Variants in NUP188 observed in about 807,000 individuals in gnomAD.
NUP188 encodes nucleoporin NUP188.
A neutral mutation model predicts 223.0 loss-of-function variants in NUP188; 97 were observed. The ratio of observed to expected loss-of-function variants is 0.43; its 90% CI spans 0.37 to 0.51. The LOEUF is 0.51. NUP188 is among the 20% of genes least tolerant of loss of function. NUP188 has a pLI of 0.00. For synonymous variants in NUP188, 869 were observed against 828.0 expected (o/e 1.05, Z -0.85); for missense variants, 1,947 against 2,175.6 (o/e 0.89, Z 2.09).
chr9:128,975,573 G>A (rs1404145439), intron 12 of NUP188, among the ~76,000 whole-genome samples: 1 of 148,026 alleles, frequency 6.8e-6, no homozygotes, highest in East Asian at 2.0e-4. Context: ...AGGCTGGAGA[G>A]TAAGTAGCGT....
rs368986642 is a variant in NUP188, at chr9:129,006,441, C to T, written c.5074-61C>T. The T allele has an allele frequency of 2.3e-5, 37 of 1,612,350 alleles. No individual in the cohort carries two copies. In the South Asian group the frequency reaches 3.0e-4, roughly 13 times the overall value. ...CCTGTGGGGTCCTGCCTGGCAACCC[C>T]CAAGGGTCAGAACAGTAGCCAGATG... On this transcript the variant is annotated intron_variant, in intron 43 of 43. Coordinates refer to ENST00000372577, the MANE Select transcript of NUP188 (RefSeq NM_015354.3).
chr9:128,977,484 C>T (rs1350881699), intron 12 of NUP188, among the ~76,000 whole-genome samples: 1 of 152,106 alleles, frequency 6.6e-6, no homozygotes, highest in Non-Finnish European at 1.5e-5. Flanking sequence ...ATGCTAAGCT[C>T]TGTGCTAAGC....
At position 128,949,243 on chromosome 9, in the gene NUP188, G is replaced by A. The variant is rs745598716; in HGVS notation, c.87G>A (p.Leu29=). The A allele has an allele frequency of 4.3e-6, 7 of 1,609,844 alleles. No homozygotes were observed. Among genetic ancestry groups the A allele is most frequent in the Non-Finnish European group, 5.1e-6 (6 of 1,176,362 alleles). Residue 29 remains leucine (L), a splice_region_variant and synonymous_variant, in exon 2 of 44, where the codon CTG becomes CTA. Transcript: ENST00000372577. ...TTGGAAGGTCAGCTCTGAGAGAGCT[G>A]GTAAGTGGTGGTGTTCTTGAGTGGG... ...ILLGRSALRE[L]SQIEAELNKH...
At chr9:129,000,610 G>A (rs963010421) in intron 34 of NUP188, among the ~76,000 whole-genome samples, 2 of 151,946 alleles carry the variant, frequency 1.3e-5, no homozygotes, top group African/African-American at 4.8e-5. Flanking sequence ...GAGCCACCAC[G>A]CCTGGCCACA....
intron 1 of NUP188, 102 bp from the exon 2 acceptor site, chr9:128,949,087 G>T: frequency 1.3e-6 from 1 of 752,450 alleles, no homozygotes; most frequent in South Asian, 1.6e-5. Flanking sequence ...TTTGTATATT[G>T]AGATTTTTTG....
intron 30 of NUP188, among the ~76,000 whole-genome samples, 173 bp downstream of exon 30, chr9:128,995,687 T>G (rs1398916899): frequency 6.6e-6 from 1 of 152,182 alleles, no homozygotes; most frequent in East Asian, 1.9e-4. Flanking sequence ...TTTGAGGGTG[T>G]TGGGTCCAGG....
rs1444910743 is a variant in NUP188 at position 128,968,608 on chromosome 9, A to G, written c.688A>G (p.Ser230Gly). 1 of 1,614,060 alleles carries G rather than the reference A, an allele frequency of 6.2e-7. No individual in the cohort carries two copies. Among genetic ancestry groups the G allele is most frequent in the Non-Finnish European group, 8.5e-7 (1 of 1,179,900 alleles). Residue 230 changes from serine to glycine, a missense_variant, in exon 9 of 44, where the codon AGT (serine) becomes GGT (glycine). Around this residue, in one of 3 missense-constraint regions of NUP188, gnomAD observed 817 missense variants for 865.8 expected, o/e 0.94. Transcript: ENST00000372577. ...LYYAYFEMAP[S>G]DLLVLTKMFK... The stretch of plus-strand genomic sequence containing the variant: ...TTATGCATACTTTGAGATGGCACCC[A>G]GTGACTTACTTGTATTAACCAAGAT...
chr9:128,958,763 C>A, intron 6 of NUP188, 39 bp from the exon 7 acceptor site: 2 of 1,209,416 alleles, frequency 1.7e-6, no homozygotes, highest in South Asian at 1.5e-5. Context: ...TTCCTATGTG[C>A]AAAGGTGAGT....
chr9:128,973,896 GTTTA>G (rs945350751), intron 12 of NUP188, among the ~76,000 whole-genome samples: 7 of 152,018 alleles, frequency 4.6e-5, no homozygotes, highest in East Asian at 1.9e-4. Context: ...TAAAATTTCT[GTTTA>G]TTTATTTATT....
chr9:128,999,872 GGA>G (rs751957884), intron 34 of NUP188, 67 bp downstream of exon 34: 3 of 1,465,310 alleles, frequency 2.0e-6, no homozygotes, highest in Non-Finnish European at 2.8e-6. Flanking sequence ...CTGACTCTGG[GGA>G]TAAGTAGTGA....
chr9:128,956,208 TGTGC>T (rs1315440477), intron 3 of NUP188, 138 bp from the exon 4 acceptor site: 5 of 470,628 alleles, frequency 1.1e-5, no homozygotes, highest in African/African-American at 2.1e-5. Flanking sequence ...TGTGTGTGTG[TGTGC>T]GTGTGTGTGT....
intron 11 of NUP188, among the ~76,000 whole-genome samples, chr9:128,971,675 C>T (rs1177295162): frequency 1.3e-5 from 2 of 152,214 alleles, no homozygotes; most frequent in Non-Finnish European, 2.9e-5. Flanking sequence ...GCCTCGGCCT[C>T]CCAAAGTGCT....
chr9:128,983,494 C>G lies in NUP188; in HGVS notation c.1905C>G (p.His635Gln). Residue 635 changes from histidine (H) to glutamine (Q), a missense_variant, in exon 19 of 44, where the codon CAC (histidine) becomes CAG (glutamine). Physicochemically the swap from His to Gln is conservative, Grantham distance 24. Coordinates refer to ENST00000372577, the MANE Select transcript of NUP188 (RefSeq NM_015354.3). Reference protein sequence around the residue: ...NPAKVWTDLRHTGFLPFVAHP... With the variant: ...NPAKVWTDLRQTGFLPFVAHP... ...CTCAGGTCTGGACTGATCTTCGTCA[C>G]ACAGGTTTTTTACCATTTGTGGCCC... 1 of 1,614,150 alleles carries G rather than the reference C, an allele frequency of 6.2e-7. No homozygotes were observed. The highest frequency in any genetic ancestry group is 8.5e-7 in the Non-Finnish European group (1 of 1,180,022).
Position 128,990,244 on chromosome 9 carries a change from G to GCA in NUP188, c.2640+26_2640+27dup, listed in dbSNP as rs201721327. Reference sequence around the variant, plus strand: ...TGGCCACGGTAGGATCGTACTTCATGCACACACACTGTTTATATGAGGGTG... The same window carrying GCA: ...TGGCCACGGTAGGATCGTACTTCATGCACACACACACTGTTTATATGAGGGTG... On this transcript the variant is annotated intron_variant, in intron 25 of 43. Transcript: ENST00000372577. 3.3e-3 allele frequency: 5,246 copies of GCA among 1,572,612 alleles called. 157 individuals carry two copies. In the East Asian group the frequency reaches 0.057, roughly 17 times the overall value.
At chr9:128,972,924 T>C (rs1280108354) in intron 11 of NUP188, among the ~76,000 whole-genome samples, 1 of 152,214 alleles carries the variant, frequency 6.6e-6, no homozygotes, top group East Asian at 1.9e-4. Context: ...ACTTTGATGA[T>C]TTTGGCAATA....
At chr9:129,003,621 T>C in intron 38 of NUP188, 167 bp downstream of exon 38, 1 of 823,262 alleles carries the variant, frequency 1.2e-6, no homozygotes, top group Non-Finnish European at 2.0e-6. Context: ...GGCTAAATGT[T>C]TCCTTCCATA....
At chr9:128,987,331 T>G (rs148013854) in intron 22 of NUP188, among the ~76,000 whole-genome samples, 87 of 152,314 alleles carry the variant, frequency 5.7e-4, no homozygotes, top group African/African-American at 2.0e-3. Flanking sequence ...GTTCTATGCA[T>G]TCCATCATAT....
intron 10 of NUP188, among the ~76,000 whole-genome samples, chr9:128,970,046 G>A (rs1434412620): frequency 6.6e-6 from 1 of 152,148 alleles, no homozygotes; most frequent in Non-Finnish European, 1.5e-5. Context: ...TTGTGCCTCA[G>A]CCTCTGGAAT....
rs1842822908 is a variant in NUP188 at position 129,006,885 on chromosome 9, T to C, written c.*207T>C. On this transcript the variant is annotated 3_prime_UTR_variant, in exon 44 of 44. Transcript: ENST00000372577. ...AACAGCAGGCATGGGGAGCCGAGTC[T>C]TCTGTGCTCAGGTCCTCACGCTGCA... is the stretch of plus-strand genomic sequence containing the variant. The C allele has an allele frequency of 6.0e-6, 3 of 500,316 alleles. No individual in the cohort carries two copies. The highest frequency in any genetic ancestry group is 1.0e-5 in the Non-Finnish European group (3 of 288,420). 31.0% of individuals were successfully genotyped at this position (500,316 alleles called of 1,614,324 possible).
Sources: allele counts gnomAD v4.1 joint callset (sites outside exome capture counted in the v4.1 genomes callset), GRCh38; gene constraint gnomAD v4.1.1; regional missense constraint gnomAD v4.1.1; transcripts MANE v1.5; gene names NCBI Gene and HGNC (gene_info 2026-07-23, HGNC 2026-07-21).